The following PSMD2 variants were observed in gnomAD, a reference collection of about 807,000 sequenced individuals.
PSMD2 encodes the protein proteasome 26S subunit ubiquitin receptor, non-ATPase 2, also known as 26S proteasome non-ATPase regulatory subunit 2.
PSMD2 carries 8 observed loss-of-function variants against 101.5 expected under a neutral mutation model. The observed-to-expected ratio is 0.08, with a 90% CI of 0.05 to 0.14. The LOEUF (loss-of-function observed/expected upper bound fraction) is 0.14, where lower values mean the gene tolerates loss of function less well. PSMD2 is among the 10% of genes least tolerant of loss of function. The pLI is 1.00. For synonymous variants in PSMD2, 418 were observed against 433.8 expected, an observed-to-expected ratio of 0.96 and a Z score of 0.45; for missense variants, 784 against 1,147.4, an observed-to-expected ratio of 0.68 and a Z score of 4.58.
intron 2 of PSMD2, 27 bp downstream of exon 2, chr3:184,299,934 G>GA (rs1202210085): frequency 6.3e-7 from 1 of 1,596,724 alleles, no homozygotes; most frequent in Admixed American, 1.7e-5. Flanking sequence ...ACATGATTCG[G>GA]TGCATGTTTG....
chr3:184,303,860 A>G, intron 10 of PSMD2, 87 bp from the exon 11 acceptor site: 2 of 1,605,442 alleles, frequency 1.2e-6, no homozygotes, highest in Non-Finnish European at 8.5e-7. Context: ...TCTAGTTAAT[A>G]AGGGTGCTGC....
At chr3:184,300,533 CCT>C (rs1721606935) in intron 3 of PSMD2, 89 bp downstream of exon 3, 1 of 1,514,308 alleles carries the variant, frequency 6.6e-7, no homozygotes, top group Non-Finnish European at 8.9e-7. Context: ...TCACAGGAAG[CCT>C]GATAGACCTA....
At chr3:184,299,587 C>G in intron 1 of PSMD2, 186 bp downstream of exon 1, 1 of 878,274 alleles carries the variant, frequency 1.1e-6, no homozygotes, top group Non-Finnish European at 1.6e-6. Context: ...TCACCTCCGC[C>G]GTCCCCACCA....
chr3:184,307,195 G>A (rs1288893954), intron 16 of PSMD2, among the ~76,000 whole-genome samples, 162 bp from the exon 17 acceptor site: 1 of 151,732 alleles, frequency 6.6e-6, no homozygotes, highest in African/African-American at 2.4e-5. Context: ...CACCTGCCTC[G>A]GCCTCCCAAA....
In PSMD2 at chr3:184,305,926, C is replaced by T. The variant is rs755407201; in HGVS notation, c.1698C>T (p.His566=). 1.9e-6 allele frequency: 3 copies of T among 1,613,964 alleles called. No homozygotes were observed. The African/African-American group carries it at 4.0e-5, about 22-fold the overall frequency. The change falls in exon 13 of 21, where the codon CAC becomes CAT. Residue 566 remains histidine, a synonymous_variant. Transcript: ENST00000310118. Reference sequence around the variant, plus strand: ...TTCCTCTTGGACTGGGTCTCAACCACCTGGGTGAGGGGATGTTTCTATTTG... The same window carrying T: ...TTCCTCTTGGACTGGGTCTCAACCATCTGGGTGAGGGGATGTTTCTATTTG... ...RWLPLGLGLN[H]LGKGEAIEAI...
chr3:184,305,474 C>T (rs867645046), intron 12 of PSMD2, among the ~76,000 whole-genome samples: 2 of 135,892 alleles, frequency 1.5e-5, no homozygotes, highest in South Asian at 2.5e-4. Flanking sequence ...AGCGATAGAG[C>T]GAGACTCTGT....
rs1330373298 is a variant in PSMD2 at position 184,299,288 on chromosome 3, A to G, written c.22A>G (p.Lys8Glu). 9 of 1,366,038 alleles carry G rather than the reference A, an allele frequency of 6.6e-6. No individual in the cohort carries two copies. The highest frequency in any genetic ancestry group is 6.5e-5 in the South Asian group (4 of 61,488). 84.6% of individuals were successfully genotyped at this position (1,366,038 alleles called of 1,614,324 possible). A position where few individuals can be genotyped will look rare whatever the true frequency, so the allele number is the denominator to read the frequency against. ...GGAGATGGAGGAGGGAGGCCGGGAC[A>G]AGGCGCCGGTGCAGCCCCAGCAGTC... MEEGGRD[K>E]APVQPQQSPA... is the part of the protein sequence containing the mutation. The change falls in exon 1 of 21, where the codon AAG becomes GAG. Residue 8 changes from lysine (K) to glutamate (E), a missense_variant. By Grantham distance (56) the Lys-to-Glu change is moderately conservative. Coordinates refer to ENST00000310118, the MANE Select transcript of PSMD2 (RefSeq NM_002808.5).
At position 184,307,676 on chromosome 3, in the gene PSMD2, C is replaced by T; in HGVS notation, c.2266C>T (p.Pro756Ser). 6.2e-7 allele frequency: 1 copy of T among 1,614,130 alleles called. No homozygotes were observed. The highest frequency in any genetic ancestry group is 1.3e-5 in the African/African-American group (1 of 75,038). ...GTTAGCTCAATATCATGCCAAGGAC[C>T]CAAACAACCTCTTCATGGTGCGCTT... is the stretch of plus-strand genomic sequence containing the variant. ...RQLAQYHAKD[P>S]NNLFMVRLAQ... Residue 756 changes from proline to serine, a missense_variant, in exon 18 of 21, where the codon CCA becomes TCA. Around this residue, in one of 6 missense-constraint regions of PSMD2, gnomAD observed 282 missense variants for 437.6 expected, o/e 0.64. Coordinates refer to ENST00000310118, the MANE Select transcript of PSMD2 (RefSeq NM_002808.5).
chr3:184,306,703 T>G (rs1440308803), intron 15 of PSMD2, 48 bp from the exon 16 acceptor site: 1 of 1,585,166 alleles, frequency 6.3e-7, no homozygotes, highest in South Asian at 1.1e-5. Context: ...AGGGTGACTG[T>G]TTTTTATTCC....
rs778757783 is a variant in PSMD2 at position 184,308,027 on chromosome 3, G to A, written c.2425+11G>A. ...TGGATGTTCGAAACAGTGAGTTCCT[G>A]TCAGAAATTTTATATCATAGCATGC... On this transcript the variant is annotated intron_variant, in intron 19 of 20. Coordinates refer to ENST00000310118, the MANE Select transcript of PSMD2 (RefSeq NM_002808.5). The surrounding 1 kb of genome is among the most constrained non-coding windows in gnomAD (Gnocchi z 6.0). 7 of 1,613,616 alleles carry A rather than the reference G, an allele frequency of 4.3e-6. No homozygotes were observed. The highest frequency in any genetic ancestry group is 8.5e-7 in the Non-Finnish European group (1 of 1,179,968).
chr3:184,308,983 A>C lies in PSMD2; in HGVS notation c.*93A>C. 7.7e-7 allele frequency: 1 copy of C among 1,298,388 alleles called. No individual in the cohort carries two copies. The highest frequency in any genetic ancestry group is 1.1e-6 in the Non-Finnish European group (1 of 934,330). The allele number at this position is 1,298,388 out of a possible 1,614,324, so 80.4% of individuals were successfully genotyped here. ...GGACACGGCTGCAGACTTCTGGGGG[A>C]ATTGTCGCCTCCTGCTCTTTTGTTA... On this transcript the variant is annotated 3_prime_UTR_variant, in exon 21 of 21. Transcript: ENST00000310118. This position sits in a 1 kb window ranked among gnomAD's most constrained non-coding sequence, Gnocchi z 6.0.
Position 184,303,311 on chromosome 3 carries a change from C to G in PSMD2, c.1070-9C>G. On this transcript the variant is annotated splice_polypyrimidine_tract_variant and intron_variant, in intron 8 of 20. Coordinates refer to ENST00000310118, the MANE Select transcript of PSMD2 (RefSeq NM_002808.5). ...TCTTTCCTTACTTTTCCTCTCCCTCCTGTTGCAGGGTTTGGGGGCAGTGGC... is the reference window on the plus strand; with the variant it reads ...TCTTTCCTTACTTTTCCTCTCCCTCGTGTTGCAGGGTTTGGGGGCAGTGGC... 6.2e-7 allele frequency: 1 copy of G among 1,608,936 alleles called. No homozygotes were observed. The highest frequency in any genetic ancestry group is 1.1e-5 in the South Asian group (1 of 90,326).
chr3:184,303,355 C>T lies in PSMD2; in HGVS notation c.1105C>T (p.Arg369Cys), dbSNP rs765869035. 5 of 1,613,816 alleles carry T rather than the reference C, an allele frequency of 3.1e-6. No individual in the cohort carries two copies. Among genetic ancestry groups the T allele is most frequent in the Admixed American group, 1.7e-5 (1 of 59,980 alleles). Residue 369 changes from arginine (R) to cysteine (C), a missense_variant, in exon 9 of 21, where the codon CGC becomes TGC. This residue lies in a region of PSMD2 where 208 missense variants were observed against 301.6 expected (regional missense o/e 0.69). Transcript: ENST00000310118. ...CAGTGGCTCTCAGGTGGACTCTGCC[C>T]GCATGAACCTGGCCTCCTCTTTTGT... ...GGSGSQVDSA[R>C]MNLASSFVNG...
In PSMD2 at chr3:184,302,707, C is replaced by T. The variant is rs148168433; in HGVS notation, c.892C>T (p.Leu298=). 104 of 1,613,974 alleles carry T rather than the reference C, an allele frequency of 6.4e-5. No individual in the cohort carries two copies. In the African/African-American group the frequency reaches 1.1e-3, roughly 17 times the overall value. Residue 298 remains leucine (L), a synonymous_variant, in exon 7 of 21, where the codon CTA becomes TTA. Coordinates refer to ENST00000310118, the MANE Select transcript of PSMD2 (RefSeq NM_002808.5). ...AGTACAGAAACAGATGGCATTCATG[C>T]TAGGCCGGCATGGGGTGTTCCTGGA... ...VVVQKQMAFM[L]GRHGVFLELS...
At position 184,303,312 on chromosome 3, in the gene PSMD2, T is replaced by C. The variant is rs985928889; in HGVS notation, c.1070-8T>C. 6.2e-7 allele frequency: 1 copy of C among 1,609,234 alleles called. No individual in the cohort carries two copies. Among genetic ancestry groups the C allele is most frequent in the Non-Finnish European group, 8.5e-7 (1 of 1,178,588 alleles). On this transcript the variant is annotated splice_polypyrimidine_tract_variant and splice_region_variant and intron_variant, in intron 8 of 20. Transcript: ENST00000310118. ...CTTTCCTTACTTTTCCTCTCCCTCC[T>C]GTTGCAGGGTTTGGGGGCAGTGGCT...
At position 184,308,821 on chromosome 3, in the gene PSMD2, G is replaced by A. The variant is rs1254648443; in HGVS notation, c.2658G>A (p.Glu886=). 19 of 1,613,334 alleles carry A rather than the reference G, an allele frequency of 1.2e-5. No homozygotes were observed. Among genetic ancestry groups the A allele is most frequent in the Non-Finnish European group, 1.5e-5 (18 of 1,180,040 alleles). Residue 886 remains glutamate (E), a synonymous_variant, in exon 21 of 21, where the codon GAG becomes GAA. Transcript: ENST00000310118. This position sits in a 1 kb window ranked among gnomAD's most constrained non-coding sequence, Gnocchi z 6.0. ...AACGGGCAGAATTGGCCACTGAGGAGTTTCTTCCTGTTACCCCCATTCTGG... is the reference window on the plus strand; with the variant it reads ...AACGGGCAGAATTGGCCACTGAGGAATTTCTTCCTGTTACCCCCATTCTGG... ...HGERAELATE[E]FLPVTPILEG...
At chr3:184,300,725 T>C (rs573607224) in intron 3 of PSMD2, 11 of 998,632 alleles carry the variant, frequency 1.1e-5, no homozygotes, top group Middle Eastern at 4.1e-4. Flanking sequence ...TTCTATCCCA[T>C]ATACATTCAT....
In PSMD2 at chr3:184,303,061, C is replaced by A; in HGVS notation, c.1068C>A (p.Asn356Lys). 6.2e-7 allele frequency: 1 copy of A among 1,613,508 alleles called. No homozygotes were observed. The change falls in exon 8 of 21, where the codon AAC (asparagine) becomes AAA (lysine). Residue 356 changes from asparagine (N) to lysine (K), a missense_variant and splice_region_variant. Physicochemically the swap from Asn to Lys is moderately conservative, Grantham distance 94 (BLOSUM62 0). Around this residue, in one of 6 missense-constraint regions of PSMD2, gnomAD observed 208 missense variants for 301.6 expected, o/e 0.69. Coordinates refer to ENST00000310118, the MANE Select transcript of PSMD2 (RefSeq NM_002808.5). ...TCTACAAAACCCACCTAGAGAACAA[C>A]AGTGAGTAGCCCTCTCTGTGTATGG... ...DDIYKTHLEN[N>K]RFGGSGSQVD...
Position 184,308,477 on chromosome 3 carries a change from G to T in PSMD2, c.2454G>T (p.Leu818Phe). 2 of 1,612,104 alleles carry T rather than the reference G, an allele frequency of 1.2e-6. No homozygotes were observed. Among genetic ancestry groups the T allele is most frequent in the Non-Finnish European group, 1.7e-6 (2 of 1,179,726 alleles). The change falls in exon 20 of 21, where the codon TTG becomes TTT. Residue 818 changes from leucine (L) to phenylalanine (F), a missense_variant. Physicochemically the swap from Leu to Phe is conservative, Grantham distance 22. Transcript: ENST00000310118. This position sits in a 1 kb window ranked among gnomAD's most constrained non-coding sequence, Gnocchi z 6.0. ...NIILGKSHYV[L>F]YGLVAAMQPR... ...TTCTAGGCAAATCACACTATGTATT[G>T]TATGGGCTGGTGGCTGCCATGCAGC...
Sources: gnomAD v4.1 joint callset for allele counts (sites outside exome capture counted in the v4.1 genomes callset) on GRCh38, gnomAD v4.1.1 for gene constraint, gnomAD v4.1.1 regional missense constraint, Gnocchi (gnomAD v3.1) non-coding constraint, MANE v1.5 for transcripts, NCBI Gene and HGNC (gene_info 2026-07-23, HGNC 2026-07-21) for gene names.